The following EPHB1 variants were observed in gnomAD, a reference collection of about 807,000 sequenced individuals.
EPHB1 encodes the protein ephrin type-B receptor 1.
A neutral mutation model predicts 94.4 loss-of-function variants in EPHB1; 30 were observed. That is an observed-to-expected ratio of 0.32 (90% CI 0.24 to 0.43). EPHB1 has a LOEUF of 0.43. Ranked by LOEUF, EPHB1 falls within the 20% of genes least tolerant of loss-of-function variation. The pLI is 1.00. For missense variants in EPHB1, 1,055 were observed against 1,308.3 expected (o/e 0.81, Z 2.99); for synonymous variants, 522 against 489.1 (o/e 1.07, Z -0.89).
intron 12 of EPHB1, 123 bp downstream of exon 12, chr3:135,201,812 A>C (rs1048317828): frequency 7.5e-6 from 7 of 937,496 alleles, no homozygotes; most frequent in African/African-American, 1.7e-5. Flanking sequence ...TCTCCACTGA[A>C]AGACCAAGAT....
In EPHB1 at chr3:135,161,914, T is replaced by C. The variant is rs1412281255; in HGVS notation, c.1423-104T>C. The stretch of plus-strand genomic sequence containing the variant: ...AGCTGATGACAACTGCTAGCAGATA[T>C]GCAGGACCAAGAAATGATGGGGCCT... On this transcript the variant is annotated intron_variant, in intron 6 of 15. Coordinates refer to ENST00000398015, the MANE Select transcript of EPHB1 (RefSeq NM_004441.5). The C allele has an allele frequency of 4.7e-6, 6 of 1,286,760 alleles. No homozygotes were observed. In the African/African-American group the frequency reaches 6.0e-5, roughly 13 times the overall value. 79.7% of individuals were successfully genotyped at this position (1,286,760 alleles called of 1,614,324 possible).
intron 1 of EPHB1, among the ~76,000 whole-genome samples, chr3:134,893,516 A>G (rs1368754717): frequency 6.6e-6 from 1 of 151,766 alleles, no homozygotes; most frequent in Non-Finnish European, 1.5e-5. Context: ...TCACATGCCC[A>G]CCTCAAGAGC....
intron 5 of EPHB1, among the ~76,000 whole-genome samples, chr3:135,152,522 T>C (rs1941224599): frequency 6.6e-6 from 1 of 151,896 alleles, no homozygotes; most frequent in African/African-American, 2.4e-5. Context: ...GGAAATGAGA[T>C]GGGAGTCAGA....
chr3:134,958,566 AG>A (rs1453167237), intron 3 of EPHB1, among the ~76,000 whole-genome samples: 2 of 152,072 alleles, frequency 1.3e-5, no homozygotes, highest in Non-Finnish European at 2.9e-5. Flanking sequence ...CCTCCTCTCA[AG>A]CTCCAGGGAG....
chr3:134,828,308 T>C lies in EPHB1; in HGVS notation c.58+32619T>C, dbSNP rs542473137. Among the ~76,000 whole-genome samples the C allele has an allele frequency of 3.3e-5, 5 of 152,338 alleles. 1 individual carries two copies. The highest frequency in any genetic ancestry group is 1.2e-4 in the African/African-American group (5 of 41,584). ...ACAAAAAAAGATCATGGAGTCTTAA[T>C]AGACTTTGAATATAGTGTAATGAGA... On this transcript the variant is annotated intron_variant, in intron 1 of 15. Coordinates refer to ENST00000398015, the MANE Select transcript of EPHB1 (RefSeq NM_004441.5).
At chr3:135,167,589 C>T (rs1941686344) in intron 9 of EPHB1, among the ~76,000 whole-genome samples, 1 of 152,172 alleles carries the variant, frequency 6.6e-6, no homozygotes, top group Non-Finnish European at 1.5e-5. Context: ...AATTTCTTTT[C>T]ACCAAGGTGC....
intron 15 of EPHB1, among the ~76,000 whole-genome samples, chr3:135,256,202 C>T (rs1027232497): frequency 6.6e-6 from 1 of 152,130 alleles, no homozygotes; most frequent in Non-Finnish European, 1.5e-5. Flanking sequence ...TTAATTGGAG[C>T]ATTTAGTCCA....
Position 135,074,745 on chromosome 3 carries a change from G to A in EPHB1, c.806-31703G>A, listed in dbSNP as rs60520455. On this transcript the variant is annotated intron_variant, in intron 3 of 15. Transcript: ENST00000398015. Reference sequence around the variant, plus strand: ...CAGTTTCCCCATATGAACATGTAGGGGTGGCACTATGTCATTATGAAGGCT... The same window carrying A: ...CAGTTTCCCCATATGAACATGTAGGAGTGGCACTATGTCATTATGAAGGCT... 3.0e-4 allele frequency among the ~76,000 whole-genome samples: 46 copies of A among 152,246 alleles called. 1 individual carries two copies. Among genetic ancestry groups the A allele is most frequent in the African/African-American group, 1.1e-3 (45 of 41,544 alleles).
intron 3 of EPHB1, among the ~76,000 whole-genome samples, chr3:135,031,123 T>A (rs1032523337): frequency 6.6e-6 from 1 of 152,172 alleles, no homozygotes; most frequent in African/African-American, 2.4e-5. Context: ...GCCCACTGTC[T>A]GGCACTCCCT....
At chr3:135,052,717 C>T (rs186561250) in intron 3 of EPHB1, among the ~76,000 whole-genome samples, 218 of 149,840 alleles carry the variant, frequency 1.5e-3, no homozygotes, top group East Asian at 9.4e-3. Context: ...AAAAATTAGC[C>T]GGGCGTGTTG....
intron 2 of EPHB1, among the ~76,000 whole-genome samples, chr3:134,930,786 CT>C (rs2038890937): frequency 6.6e-6 from 1 of 152,228 alleles, no homozygotes; most frequent in South Asian, 2.1e-4. Context: ...CACTGGGACG[CT>C]CCTGGATGCT....
At chr3:135,254,688 G>A (rs1467056438) in intron 15 of EPHB1, among the ~76,000 whole-genome samples, 1 of 151,580 alleles carries the variant, frequency 6.6e-6, no homozygotes, top group Non-Finnish European at 1.5e-5. Context: ...TTTTTTGTGT[G>A]TGTCTCTGCC....
chr3:135,174,589 G>T (rs1052175504), intron 9 of EPHB1, among the ~76,000 whole-genome samples: 1 of 152,172 alleles, frequency 6.6e-6, no homozygotes, highest in South Asian at 2.1e-4. Flanking sequence ...ATTGCCTAAA[G>T]AAACTTGTGA....
chr3:135,250,091 A>G (rs1933004473), intron 15 of EPHB1, among the ~76,000 whole-genome samples: 2 of 152,170 alleles, frequency 1.3e-5, no homozygotes, highest in African/African-American at 2.4e-5. Flanking sequence ...CAGTTGTGGG[A>G]AATGTTAATA....
intron 1 of EPHB1, among the ~76,000 whole-genome samples, chr3:134,900,349 A>T (rs1245807392): frequency 1.3e-5 from 2 of 151,892 alleles, no homozygotes; most frequent in African/African-American, 2.4e-5. Context: ...TTTTTTTTGT[A>T]GTAGTAATAG....
intron 3 of EPHB1, among the ~76,000 whole-genome samples, chr3:135,003,380 T>A (rs558682914): frequency 6.6e-6 from 1 of 151,760 alleles, no homozygotes; most frequent in Non-Finnish European, 1.5e-5. Flanking sequence ...TACTTCCAAG[T>A]ATGTGGTCAA....
At chr3:135,073,252 AG>A (rs1248533425) in intron 3 of EPHB1, among the ~76,000 whole-genome samples, 1 of 152,228 alleles carries the variant, frequency 6.6e-6, no homozygotes, top group Non-Finnish European at 1.5e-5. Context: ...TGAACACAAC[AG>A]TTTTAATTAG....
intron 5 of EPHB1, among the ~76,000 whole-genome samples, chr3:135,148,077 G>A (rs1415973862): frequency 1.3e-5 from 2 of 152,178 alleles, no homozygotes; most frequent in Non-Finnish European, 2.9e-5. Context: ...ACTGTTGAAA[G>A]AAGTATTTTG....
intron 6 of EPHB1, 129 bp downstream of exon 6, chr3:135,154,405 G>A (rs1661875068): frequency 1.5e-6 from 2 of 1,358,482 alleles, no homozygotes; most frequent in Admixed American, 2.2e-5. Context: ...GAGGCCAGAA[G>A]GTCCCTGGGA....
Sources: allele counts gnomAD v4.1 joint callset (sites outside exome capture counted in the v4.1 genomes callset), GRCh38; gene constraint gnomAD v4.1.1; transcripts MANE v1.5; gene names NCBI Gene and HGNC (gene_info 2026-07-23, HGNC 2026-07-21).